Variants in TPRG1 observed in about 807,000 individuals in gnomAD.
The protein encoded by TPRG1 is tumor protein p63-regulated gene 1 protein.
TPRG1 carries 29 observed loss-of-function variants against 29.3 expected under a neutral mutation model. The observed-to-expected ratio is 0.99, with a 90% CI of 0.74 to 1.35. TPRG1 has a LOEUF of 1.35. Among genes scored for constraint, TPRG1 ranks in the 40% most tolerant of loss-of-function variants. TPRG1 has a pLI of 0.00. For missense variants in TPRG1, 327 were observed against 335.0 expected (o/e 0.98, Z 0.19); for synonymous variants, 130 against 116.8 (o/e 1.11, Z -0.73).
chr3:189,255,043 G>C (rs1354136740), intron 4 of TPRG1, among the ~76,000 whole-genome samples: 2 of 152,142 alleles, frequency 1.3e-5, no homozygotes, highest in Non-Finnish European at 1.5e-5. Flanking sequence ...GCCCTGGCCA[G>C]AACTTCCAAT....
At chr3:189,158,383 C>T (rs1209983571) in intron 5 of TPRG1, among the ~76,000 whole-genome samples, 4 of 152,020 alleles carry the variant, frequency 2.6e-5, no homozygotes, top group South Asian at 2.1e-4. Flanking sequence ...CCAAGGCAGG[C>T]GGATCACCTG....
At chr3:189,159,085 T>C (rs1727098163) in intron 5 of TPRG1, among the ~76,000 whole-genome samples, 1 of 152,180 alleles carries the variant, frequency 6.6e-6, no homozygotes, top group African/African-American at 2.4e-5. Flanking sequence ...ATCATGAAGA[T>C]GTGCTCCTCT....
intron 1 of TPRG1, among the ~76,000 whole-genome samples, chr3:189,122,726 CTCCCT>C: frequency 6.6e-6 from 1 of 152,200 alleles, no homozygotes; most frequent in Non-Finnish European, 1.5e-5. Context: ...AATGATGCTG[CTCCCT>C]TATTTATGTG....
intron 4 of TPRG1, among the ~76,000 whole-genome samples, chr3:189,055,802 C>T (rs1218979576): frequency 2.6e-5 from 4 of 152,128 alleles, no homozygotes; most frequent in South Asian, 4.1e-4. Context: ...CTGACCCATA[C>T]AGTTCCTTTC....
intron 4 of TPRG1, among the ~76,000 whole-genome samples, chr3:189,277,199 C>T (rs1258323754): frequency 2.0e-5 from 3 of 152,182 alleles, no homozygotes; most frequent in Non-Finnish European, 2.9e-5. Flanking sequence ...CCCCAGCCCT[C>T]CAAGGGCTTT....
At chr3:189,207,320 G>A in intron 1 of TPRG1, 56 bp from the exon 2 acceptor site, 1 of 1,590,646 alleles carries the variant, frequency 6.3e-7, no homozygotes, top group Admixed American at 1.7e-5. Context: ...GCCATAGCTA[G>A]GACACAGGTA....
intron 4 of TPRG1, among the ~76,000 whole-genome samples, chr3:189,270,151 C>G (rs1489696772): frequency 6.6e-6 from 1 of 150,790 alleles, no homozygotes; most frequent in African/African-American, 2.4e-5. Context: ...AAATTGCTTT[C>G]TGGCTACTTT....
chr3:189,074,198 CCTTTT>C (rs2152158410), intron 4 of TPRG1, among the ~76,000 whole-genome samples: 1 of 121,908 alleles, frequency 8.2e-6, no homozygotes, highest in African/African-American at 3.5e-5. Flanking sequence ...GAATTATTTT[CCTTTT>C]TTTTTTTTTT....
chr3:189,148,053 T>C (rs1725480179), intron 4 of TPRG1, among the ~76,000 whole-genome samples: 1 of 152,230 alleles, frequency 6.6e-6, no homozygotes, highest in Admixed American at 6.5e-5. Context: ...CCTAAGGTTC[T>C]GATTCACAGA....
rs1041437601 is a variant in TPRG1 at position 189,009,201 on chromosome 3, A to G, written c.-660+4441A>G. Among the ~76,000 whole-genome samples the G allele has an allele frequency of 8.5e-5, 13 of 152,212 alleles. 3 individuals are homozygous for G. The highest frequency in any genetic ancestry group is 6.5e-5 in the Admixed American group (1 of 15,270). On this transcript the variant is annotated intron_variant, in intron 3 of 10. Transcript: ENST00000433971. ...GGCCCACCGGCTGGCTATGAGAGCT[A>G]CAGAGTCCAAATTTGGGGTGTGTTT...
intron 1 of TPRG1, among the ~76,000 whole-genome samples, chr3:189,118,799 G>T (rs536782914): frequency 4.1e-4 from 62 of 152,236 alleles, no homozygotes; most frequent in Non-Finnish European, 5.7e-4. Context: ...GACTTCAGAG[G>T]ATGTATGGAA....
intron 4 of TPRG1, among the ~76,000 whole-genome samples, chr3:189,074,254 G>T (rs1226680627): frequency 1.4e-5 from 2 of 140,294 alleles, no homozygotes; most frequent in Non-Finnish European, 3.0e-5. Flanking sequence ...CACCCAGGCT[G>T]GAGTGCAGTG....
At chr3:189,264,091 T>G (rs1258869577) in intron 4 of TPRG1, among the ~76,000 whole-genome samples, 19 of 152,208 alleles carry the variant, frequency 1.2e-4, no homozygotes, top group Admixed American at 1.2e-3. Context: ...ATTTGAATTC[T>G]TATCCCAATT....
chr3:189,233,029 G>T (rs1738907723), intron 3 of TPRG1, among the ~76,000 whole-genome samples: 1 of 138,762 alleles, frequency 7.2e-6, no homozygotes, highest in Non-Finnish European at 1.6e-5. Flanking sequence ...TTCCTCCTGG[G>T]TTGCTGATTC....
rs977335595 is a variant in TPRG1, at chr3:189,308,970, T to G, written c.480-1416T>G. The stretch of plus-strand genomic sequence containing the variant: ...TGAGAAGGAGAGGGAGAAAGAAAAC[T>G]TTAGAGGTATATTTTTCTTCTATTT... On this transcript the variant is annotated intron_variant, in intron 4 of 5. Coordinates refer to ENST00000345063, the MANE Select transcript of TPRG1 (RefSeq NM_198485.4). Among the ~76,000 whole-genome samples, 17 of 151,194 alleles carry G rather than the reference T, an allele frequency of 1.1e-4. No individual in the cohort carries two copies. The South Asian group carries it at 3.1e-3, about 28-fold the overall frequency.
chr3:189,124,706 T>A (rs1722250426), intron 1 of TPRG1, among the ~76,000 whole-genome samples: 1 of 152,182 alleles, frequency 6.6e-6, no homozygotes, highest in South Asian at 2.1e-4. Context: ...ACATGAACAT[T>A]TGTTATTTCA....
At chr3:189,134,449 G>C (rs1171722691) in intron 3 of TPRG1, among the ~76,000 whole-genome samples, 11 of 90,332 alleles carry the variant, frequency 1.2e-4, no homozygotes, top group Admixed American at 1.4e-4. Context: ...GCCTCTCTTT[G>C]TTGCCCAGGA....
At chr3:189,022,246 T>G (rs1713360124) in intron 3 of TPRG1, among the ~76,000 whole-genome samples, 2 of 152,140 alleles carry the variant, frequency 1.3e-5, no homozygotes, top group South Asian at 4.2e-4. Flanking sequence ...AAAGTCATTC[T>G]CCTTCCAGCT....
At chr3:189,261,328 A>G (rs536978441) in intron 4 of TPRG1, among the ~76,000 whole-genome samples, 48 of 152,120 alleles carry the variant, frequency 3.2e-4, no homozygotes, top group African/African-American at 1.1e-3. Context: ...TGTTTTTCCA[A>G]AGTCAGTGGA....
Sources: gnomAD v4.1 joint callset for allele counts (sites outside exome capture counted in the v4.1 genomes callset) on GRCh38, gnomAD v4.1.1 for gene constraint, MANE v1.5 for transcripts, NCBI Gene and HGNC (gene_info 2026-07-23, HGNC 2026-07-21) for gene names.